PSD3: variants seen among roughly 807,000 people sequenced by gnomAD.
The protein encoded by PSD3 is pleckstrin and Sec7 domain containing 3.
In PSD3, 49 loss-of-function variants were observed where a neutral mutation model predicts 105.5. The ratio of observed to expected loss-of-function variants is 0.46; its 90% CI spans 0.37 to 0.59. The LOEUF is 0.59. PSD3 is among the 20% of genes least tolerant of loss of function. The pLI is 0.00. For synonymous variants in PSD3, 557 were observed against 457.8 expected (o/e 1.22, Z -2.77); for missense variants, 1,561 against 1,263.8 (o/e 1.24, Z -3.57).
intron 2 of PSD3, among the ~76,000 whole-genome samples, chr8:18,887,919 T>C (rs1818542940): frequency 6.6e-6 from 1 of 152,204 alleles, no homozygotes; most frequent in East Asian, 1.9e-4. Context: ...CCAGCAGCCC[T>C]GTGGGATGGC....
chr8:19,082,990 G>T (rs373164652), intron 1 of PSD3, among the ~76,000 whole-genome samples: 1 of 152,216 alleles, frequency 6.6e-6, no homozygotes, highest in East Asian at 1.9e-4. Context: ...GAAGGGTGCT[G>T]TGAGAAGCCT....
intron 12 of PSD3, among the ~76,000 whole-genome samples, chr8:18,585,976 C>T (rs1803155571): frequency 6.6e-6 from 1 of 151,974 alleles, no homozygotes; most frequent in Non-Finnish European, 1.5e-5. Context: ...TAATGCTCTT[C>T]CAAGAGATAT....
At chr8:18,923,761 G>A (rs1428860826) in intron 2 of PSD3, among the ~76,000 whole-genome samples, 4 of 152,068 alleles carry the variant, frequency 2.6e-5, no homozygotes, top group Non-Finnish European at 5.9e-5. Context: ...CCTTTCTTTA[G>A]ATGACACATG....
chr8:18,761,971 G>T (rs1407615393), intron 9 of PSD3, among the ~76,000 whole-genome samples: 1 of 152,170 alleles, frequency 6.6e-6, no homozygotes, highest in Non-Finnish European at 1.5e-5. Flanking sequence ...GTTGAGAGGG[G>T]TAAATATGAG....
At chr8:18,847,489 C>T (rs1815191465) in intron 4 of PSD3, among the ~76,000 whole-genome samples, 1 of 152,180 alleles carries the variant, frequency 6.6e-6, no homozygotes, top group Non-Finnish European at 1.5e-5. Flanking sequence ...TATATTCTAC[C>T]TGCTCCAATC....
chr8:18,577,600 T>C (rs1802540424), intron 12 of PSD3, among the ~76,000 whole-genome samples: 1 of 71,836 alleles, frequency 1.4e-5, no homozygotes, highest in Non-Finnish European at 2.9e-5. Flanking sequence ...ACTTATTACT[T>C]AAAATGTTCT....
intron 1 of PSD3, among the ~76,000 whole-genome samples, chr8:18,957,520 T>C (rs1823651861): frequency 1.5e-5 from 1 of 66,946 alleles, no homozygotes; most frequent in African/African-American, 6.2e-5. Context: ...CTCATCCATC[T>C]CTGTTCCCTC....
At chr8:18,803,648 C>T (rs1045793559) in intron 6 of PSD3, among the ~76,000 whole-genome samples, 1 of 151,902 alleles carries the variant, frequency 6.6e-6, no homozygotes, top group Admixed American at 6.6e-5. Flanking sequence ...AAGAATGAAC[C>T]TTGAAGACAT....
intron 1 of PSD3, among the ~76,000 whole-genome samples, chr8:19,048,952 C>T (rs1247929184): frequency 2.0e-5 from 3 of 152,166 alleles, no homozygotes; most frequent in Non-Finnish European, 4.4e-5. Flanking sequence ...TTGCTTGCTG[C>T]CTTCTTGCTC....
intron 1 of PSD3, among the ~76,000 whole-genome samples, chr8:19,080,870 A>G (rs190322821): frequency 1.3e-5 from 2 of 152,320 alleles, no homozygotes; most frequent in African/African-American, 4.8e-5. Flanking sequence ...TATATACCAA[A>G]AGTCACTGCC....
At chr8:18,877,539 C>CTTTTTTTTTT (rs61667418) in intron 2 of PSD3, among the ~76,000 whole-genome samples, 4 of 138,134 alleles carry the variant, frequency 2.9e-5, no homozygotes, top group Non-Finnish European at 6.2e-5. Flanking sequence ...AGATGCCTAT[C>CTTTTTTTTTT]TTTTTTTTTT....
chr8:18,912,395 T>C (rs1032102667), intron 2 of PSD3, among the ~76,000 whole-genome samples: 1 of 152,206 alleles, frequency 6.6e-6, no homozygotes, highest in African/African-American at 2.4e-5. Flanking sequence ...CAGGGGGCAG[T>C]GTTGTCTAAC....
At chr8:19,015,906 A>G (rs1364133581), upstream of PSD3, among the ~76,000 whole-genome samples, 3 of 152,250 alleles carry the variant, frequency 2.0e-5, no homozygotes, top group Non-Finnish European at 2.9e-5. Context: ...AAATATTTTA[A>G]GATTGTACTT....
At chr8:18,747,915 G>A (rs1472770687) in intron 9 of PSD3, among the ~76,000 whole-genome samples, 2 of 152,134 alleles carry the variant, frequency 1.3e-5, no homozygotes, top group Admixed American at 6.6e-5. Context: ...AAGGTGGGAA[G>A]AGAAGGAAGG....
chr8:18,581,968 A>G (rs931927805), intron 12 of PSD3, among the ~76,000 whole-genome samples: 1 of 152,234 alleles, frequency 6.6e-6, no homozygotes, highest in Non-Finnish European at 1.5e-5. Flanking sequence ...TGTGTAACTC[A>G]GAGAAGCAAA....
At chr8:18,796,288 A>C (rs1344491273) in intron 8 of PSD3, among the ~76,000 whole-genome samples, 1 of 152,146 alleles carries the variant, frequency 6.6e-6, no homozygotes, top group Non-Finnish European at 1.5e-5. Context: ...GCACCTCAGC[A>C]ACCTGCTACC....
chr8:18,659,367 G>A (rs1186380035), intron 9 of PSD3, among the ~76,000 whole-genome samples: 1 of 152,074 alleles, frequency 6.6e-6, no homozygotes, highest in East Asian at 1.9e-4. Context: ...TGATGGTAAG[G>A]GAAGAACCAA....
At chr8:18,616,417 T>C (rs922280574) in intron 11 of PSD3, among the ~76,000 whole-genome samples, 2 of 152,208 alleles carry the variant, frequency 1.3e-5, no homozygotes, top group Non-Finnish European at 2.9e-5. Flanking sequence ...AGAATCTGTA[T>C]TGATGGTGGC....
intron 9 of PSD3, among the ~76,000 whole-genome samples, chr8:18,658,152 T>C (rs1007158737): frequency 6.6e-6 from 1 of 152,250 alleles, no homozygotes; most frequent in African/African-American, 2.4e-5. Flanking sequence ...GAATAGAATT[T>C]TTTTTGTAGC....
Sources: allele counts gnomAD v4.1 joint callset (sites outside exome capture counted in the v4.1 genomes callset), GRCh38; gene constraint gnomAD v4.1.1; transcripts MANE v1.5; gene names NCBI Gene and HGNC (gene_info 2026-07-23, HGNC 2026-07-21).